Variants in MAGI3 observed in about 807,000 individuals in gnomAD.
MAGI3 encodes the protein membrane-associated guanylate kinase, WW and PDZ domain-containing protein 3.
MAGI3 carries 43 observed loss-of-function variants against 121.8 expected under a neutral mutation model. That is an observed-to-expected ratio of 0.35 (90% CI 0.28 to 0.46). MAGI3 has a LOEUF of 0.46. MAGI3 is among the 20% of genes least tolerant of loss of function. The pLI, the probability that MAGI3 is intolerant of heterozygous loss-of-function variation, is 1.00. For synonymous variants in MAGI3, 553 were observed against 639.3 expected, an observed-to-expected ratio of 0.86 and a Z score of 2.04; for missense variants, 1,547 against 1,797.3, an observed-to-expected ratio of 0.86 and a Z score of 2.52.
rs199914933 is a variant in MAGI3 at position 113,653,840 on chromosome 1, C to G, written c.2451C>G (p.Pro817=). ...RRKIFYGEKQ[P]EDDSSQAFIS... Reference sequence around the variant, plus strand: ...TCATGTTTATTACAGAAAAACAACCCGAGGACGACAGCTCTCAGGCCTTCA... The same window carrying G: ...TCATGTTTATTACAGAAAAACAACCGGAGGACGACAGCTCTCAGGCCTTCA... The change falls in exon 15 of 21, where the codon CCC becomes CCG. Residue 817 remains proline, a synonymous_variant. Transcript: ENST00000307546. 6.3e-7 allele frequency: 1 copy of G among 1,595,432 alleles called. No homozygotes were observed. Among genetic ancestry groups the G allele is most frequent in the Non-Finnish European group, 8.5e-7 (1 of 1,173,412 alleles).
chr1:113,604,565 CAAAAAAAAAAAAAAAAA>C (rs59047770), intron 6 of MAGI3, among the ~76,000 whole-genome samples: 2 of 62,008 alleles, frequency 3.2e-5, no homozygotes, highest in South Asian at 9.4e-4. Context: ...GTCTCCATCT[CAAAAAAAAAAAAAAAAA>C]AAAAAAAAAA....
At position 113,571,642 on chromosome 1, in the gene MAGI3, C is replaced by G. The variant is rs148817937; in HGVS notation, c.434-8900C>G. On this transcript the variant is annotated intron_variant, in intron 2 of 20. Transcript: ENST00000307546. Reference sequence around the variant, plus strand: ...AAGTTGGATTCCTAGGTATTTTATTCTCTTTGTAGCAATTGTGCATGGGAG... The same window carrying G: ...AAGTTGGATTCCTAGGTATTTTATTGTCTTTGTAGCAATTGTGCATGGGAG... 8.0e-3 allele frequency among the ~76,000 whole-genome samples: 1,223 copies of G among 152,204 alleles called. 6 individuals are homozygous for G. The highest frequency in any genetic ancestry group is 0.034 in the Middle Eastern group (10 of 294).
chr1:113,456,938 G>C (rs1193283096), intron 1 of MAGI3, among the ~76,000 whole-genome samples: 1 of 151,500 alleles, frequency 6.6e-6, no homozygotes, highest in African/African-American at 2.4e-5. Context: ...AGGAGATACA[G>C]TTCCCATTTA....
intron 14 of MAGI3, among the ~76,000 whole-genome samples, chr1:113,652,682 A>G (rs1653239881): frequency 6.6e-6 from 1 of 152,188 alleles, no homozygotes; most frequent in Non-Finnish European, 1.5e-5. Flanking sequence ...AAAAAAACAT[A>G]TTCTTAAAAC....
intron 1 of MAGI3, among the ~76,000 whole-genome samples, chr1:113,423,240 GT>G (rs1652819090): frequency 7.5e-6 from 1 of 133,028 alleles, no homozygotes; most frequent in Non-Finnish European, 1.6e-5. Context: ...GTCCTGGTAA[GT>G]ATTCGTTTTT....
intron 2 of MAGI3, among the ~76,000 whole-genome samples, chr1:113,575,794 G>T (rs1191401949): frequency 2.0e-5 from 3 of 152,176 alleles, no homozygotes; most frequent in Non-Finnish European, 4.4e-5. Flanking sequence ...ACCCACAGCT[G>T]CCCCTTCCCC....
At position 113,580,656 on chromosome 1, in the gene MAGI3, A is replaced by G. The variant is rs781344575; in HGVS notation, c.548A>G (p.Tyr183Cys). 9 of 1,603,436 alleles carry G rather than the reference A, an allele frequency of 5.6e-6. No individual in the cohort carries two copies. In the Admixed American group the frequency reaches 1.5e-4, roughly 27 times the overall value. ...GGAGCATTGTTAGAAAGTGGGACATATGATGGTATGTCCCCAAATAACATC... is the reference window on the plus strand; with the variant it reads ...GGAGCATTGTTAGAAAGTGGGACATGTGATGGTATGTCCCCAAATAACATC... ...ESGALLESGT[Y>C]DGNFYGTPKP... Residue 183 changes from tyrosine to cysteine, a missense_variant, in exon 3 of 21, where the codon TAT (tyrosine) becomes TGT (cysteine). Coordinates refer to ENST00000307546, the MANE Select transcript of MAGI3 (RefSeq NM_001142782.2).
rs796976082 is a variant in MAGI3 at position 113,516,839 on chromosome 1, A to G, written c.317-32676A>G. 3.3e-5 allele frequency among the ~76,000 whole-genome samples: 5 copies of G among 152,020 alleles called. No individual in the cohort carries two copies. In the South Asian group the frequency reaches 1.0e-3, roughly 31 times the overall value. On this transcript the variant is annotated intron_variant, in intron 1 of 20. Transcript: ENST00000307546. ...AAGTTAACTTCAGCAGTGATAAATC[A>G]TATTGATAGTGTGTGTATCCTTAAC...
In MAGI3 at chr1:113,641,977, T is replaced by A. The variant is rs377122937; in HGVS notation, c.1427T>A (p.Met476Lys). The change falls in exon 10 of 21, where the codon ATG (methionine) becomes AAG (lysine). Residue 476 changes from methionine to lysine, a missense_variant. By Grantham distance (95) the Met-to-Lys change is moderately conservative (BLOSUM62 -1). Coordinates refer to ENST00000307546, the MANE Select transcript of MAGI3 (RefSeq NM_001142782.2). ...CACACTCATGCAGATGTTGTCCAGA[T>A]GTTTCAATTGGTACCTGTCAATCAG... The part of the protein sequence containing the change: ...LGHTHADVVQ[M>K]FQLVPVNQYV... 1.7e-5 allele frequency: 27 copies of A among 1,613,610 alleles called. No individual in the cohort carries two copies. The highest frequency in any genetic ancestry group is 3.3e-4 in the Middle Eastern group (2 of 6,084).
chr1:113,663,899 G>C (rs1279722672), intron 16 of MAGI3, among the ~76,000 whole-genome samples: 1 of 152,112 alleles, frequency 6.6e-6, no homozygotes, highest in Non-Finnish European at 1.5e-5. Context: ...CCATTCTAGT[G>C]GGTATGAAAT....
intron 2 of MAGI3, among the ~76,000 whole-genome samples, chr1:113,555,103 T>C (rs1238605472): frequency 1.3e-5 from 2 of 151,382 alleles, no homozygotes; most frequent in East Asian, 3.9e-4. Context: ...ATAACATCTT[T>C]AACATGCTGC....
chr1:113,540,204 G>A (rs1269095608), intron 1 of MAGI3, among the ~76,000 whole-genome samples: 1 of 152,176 alleles, frequency 6.6e-6, no homozygotes, highest in African/African-American at 2.4e-5. Context: ...AACACTATCA[G>A]TATAACAATC....
At chr1:113,638,943 G>T (rs547851933) in intron 9 of MAGI3, among the ~76,000 whole-genome samples, 1 of 152,106 alleles carries the variant, frequency 6.6e-6, no homozygotes, top group Non-Finnish European at 1.5e-5. Context: ...AATGGCGGGC[G>T]CCCCTCCCCC....
At chr1:113,550,646 C>T (rs1341487524) in intron 2 of MAGI3, among the ~76,000 whole-genome samples, 1 of 150,996 alleles carries the variant, frequency 6.6e-6, no homozygotes, top group African/African-American at 2.4e-5. Context: ...ATCTCAGCTA[C>T]TTGGGAGGCT....
At chr1:113,655,887 A>G (rs1315582185) in intron 15 of MAGI3, among the ~76,000 whole-genome samples, 2 of 152,160 alleles carry the variant, frequency 1.3e-5, no homozygotes, top group Non-Finnish European at 2.9e-5. Flanking sequence ...TGCTTGTTGT[A>G]ACTTCTGCTG....
chr1:113,542,537 T>G (rs1441421321), intron 1 of MAGI3, among the ~76,000 whole-genome samples: 1 of 152,198 alleles, frequency 6.6e-6, no homozygotes, highest in Admixed American at 6.5e-5. Flanking sequence ...TGAAATTTCT[T>G]CTTCAATGTT....
intron 19 of MAGI3, among the ~76,000 whole-genome samples, chr1:113,676,423 C>A (rs1647868896): frequency 6.6e-6 from 1 of 152,140 alleles, no homozygotes; most frequent in African/African-American, 2.4e-5. Flanking sequence ...ACATGACATG[C>A]TTTATGAATG....
In MAGI3 at chr1:113,509,667, T is replaced by C. The variant is rs539975583; in HGVS notation, c.317-39848T>C. 3.3e-5 allele frequency among the ~76,000 whole-genome samples: 4 copies of C among 120,088 alleles called. No homozygotes were observed. The East Asian group carries it at 8.8e-4, about 26-fold the overall frequency. The allele number at this position is 120,088 out of a possible 152,430, so 78.8% of individuals were successfully genotyped here. A position where few individuals can be genotyped will look rare whatever the true frequency, so the allele number is the denominator to read the frequency against. ...CTTCTCTCCAGATTTAAAAAAATAG[T>C]ATGCTGATTTCTATAACAAAGCTTT... On this transcript the variant is annotated intron_variant, in intron 1 of 20. Coordinates refer to ENST00000307546, the MANE Select transcript of MAGI3 (RefSeq NM_001142782.2).
At chr1:113,433,600 T>C (rs1653411042) in intron 1 of MAGI3, among the ~76,000 whole-genome samples, 1 of 152,194 alleles carries the variant, frequency 6.6e-6, no homozygotes, top group African/African-American at 2.4e-5. Flanking sequence ...TTCATTGATA[T>C]TTAGTGACCA....
Sources: allele counts gnomAD v4.1 joint callset (sites outside exome capture counted in the v4.1 genomes callset), GRCh38; gene constraint gnomAD v4.1.1; transcripts MANE v1.5; gene names NCBI Gene and HGNC (gene_info 2026-07-23, HGNC 2026-07-21).